Variants in LRRK2 observed in about 807,000 individuals in gnomAD.
LRRK2 encodes leucine rich repeat kinase 2.
A neutral mutation model predicts 302.6 loss-of-function variants in LRRK2; 203 were observed. That is an observed-to-expected ratio of 0.67 (90% CI 0.60 to 0.75). LRRK2 has a LOEUF of 0.75. Among genes scored for constraint, LRRK2 ranks in the 30% least tolerant of loss-of-function variants. The pLI is 0.00. For missense variants in LRRK2, 2,830 were observed against 2,951.0 expected (o/e 0.96, Z 0.95); for synonymous variants, 1,066 against 1,031.9 (o/e 1.03, Z -0.63).
At chr12:40,239,192 G>A (rs1941609956) in intron 5 of LRRK2, among the ~76,000 whole-genome samples, 1 of 152,168 alleles carries the variant, frequency 6.6e-6, no homozygotes, top group East Asian at 1.9e-4. Flanking sequence ...CATACATTTT[G>A]CAAGGAATAC....
intron 43 of LRRK2, among the ~76,000 whole-genome samples, chr12:40,351,009 C>G (rs1296558761): frequency 6.6e-6 from 1 of 152,090 alleles, no homozygotes; most frequent in African/African-American, 2.4e-5. Context: ...GAGTGGCGGG[C>G]AGGTGGCCAT....
chr12:40,342,956 C>A (rs757570391), intron 41 of LRRK2, among the ~76,000 whole-genome samples: 2 of 152,138 alleles, frequency 1.3e-5, no homozygotes, highest in Non-Finnish European at 2.9e-5. Context: ...GTATCTCAAT[C>A]CTTAGGACCC....
At chr12:40,226,969 G>A (rs548386696) in intron 2 of LRRK2, among the ~76,000 whole-genome samples, 2 of 152,134 alleles carry the variant, frequency 1.3e-5, no homozygotes, top group East Asian at 3.9e-4. Context: ...TAGGCGTTTT[G>A]GTCTGCAGGG....
At chr12:40,282,870 C>A (rs547431925) in intron 18 of LRRK2, among the ~76,000 whole-genome samples, 1 of 152,066 alleles carries the variant, frequency 6.6e-6, no homozygotes, top group Non-Finnish European at 1.5e-5. Context: ...TCTTTTCTTT[C>A]CTTTTTTGAT....
In LRRK2 at chr12:40,308,681, G is replaced by T; in HGVS notation, c.4174G>T (p.Val1392Leu). The T allele has an allele frequency of 6.2e-7, 1 of 1,613,768 alleles. No individual in the cohort carries two copies. Among genetic ancestry groups the T allele is most frequent in the Non-Finnish European group, 8.5e-7 (1 of 1,179,854 alleles). Residue 1392 changes from valine to leucine, a missense_variant, in exon 29 of 51, where the codon GTG becomes TTG. This residue lies in a region of LRRK2 where 2,121 missense variants were observed against 2,148.0 expected (regional missense o/e 0.99). Transcript: ENST00000298910. ...AAGAAAGAGAGATCTCGTCCTAAATGTGTGGGATTTTGCAGGTATTTCTTT... is the reference window on the plus strand; with the variant it reads ...AAGAAAGAGAGATCTCGTCCTAAATTTGTGGGATTTTGCAGGTATTTCTTT... Reference protein sequence around the residue: ...DKRKRDLVLNVWDFAGREEFY... With the variant: ...DKRKRDLVLNLWDFAGREEFY...
In LRRK2 at chr12:40,304,091, C is replaced by G. The variant is rs1233790021; in HGVS notation, c.3734C>G (p.Ser1245Cys). Residue 1245 changes from serine to cysteine, a missense_variant, in exon 27 of 51, where the codon TCT becomes TGT. Transcript: ENST00000298910. ...LDLSEKAYLW[S>C]RVEKLHLSHN... ...TTGAGTGAAAAAGCATATTTATGGT[C>G]TAGAGTAGAGAAACTGCATCTTTCT... 1 of 1,613,316 alleles carries G rather than the reference C, an allele frequency of 6.2e-7. No homozygotes were observed. Among genetic ancestry groups the G allele is most frequent in the African/African-American group, 1.3e-5 (1 of 74,856 alleles).
intron 16 of LRRK2, among the ~76,000 whole-genome samples, chr12:40,276,626 G>A (rs958409135): frequency 2.0e-5 from 3 of 152,166 alleles, no homozygotes; most frequent in South Asian, 4.1e-4. Context: ...TTTTTAATTC[G>A]AATGACGTAC....
At chr12:40,247,890 A>G (rs10878258) in intron 7 of LRRK2, among the ~76,000 whole-genome samples, 33,543 of 151,054 alleles carry the variant, frequency 0.22, 4,549 homozygotes, top group Middle Eastern at 0.36. Flanking sequence ...ACATTTACAG[A>G]TGAGGTCCTG....
At chr12:40,256,757 G>A (rs1942531424) in intron 11 of LRRK2, among the ~76,000 whole-genome samples, 1 of 152,170 alleles carries the variant, frequency 6.6e-6, no homozygotes, top group African/African-American at 2.4e-5. Context: ...CTCCCAAAAA[G>A]CTGAGTGAAT....
Position 40,244,665 on chromosome 12 carries a change from A to G in LRRK2, c.838+984A>G, listed in dbSNP as rs990879146. Among the ~76,000 whole-genome samples the G allele has an allele frequency of 4.2e-5, 6 of 141,834 alleles. No individual in the cohort carries two copies. In the East Asian group the frequency reaches 1.3e-3, roughly 30 times the overall value. 93.0% of individuals were successfully genotyped at this position (141,834 alleles called of 152,430 possible). A position where few individuals can be genotyped will look rare whatever the true frequency, so the allele number is the denominator to read the frequency against. ...ACCGATTCATAGATTCTGGATAATA[A>G]TGTTTTGGTGGTAGGTTATACGTAT... is the stretch of plus-strand genomic sequence containing the variant. On this transcript the variant is annotated intron_variant, in intron 7 of 50. Transcript: ENST00000298910.
At chr12:40,317,289 G>A (rs10878358) in intron 33 of LRRK2, among the ~76,000 whole-genome samples, 85,546 of 151,286 alleles carry the variant, frequency 0.57, 24,249 homozygotes, top group South Asian at 0.7. Flanking sequence ...AAAAAGAAGT[G>A]CCATCATTTT....
intron 6 of LRRK2, among the ~76,000 whole-genome samples, chr12:40,241,058 A>G (rs1207663387): frequency 6.6e-6 from 1 of 152,202 alleles, no homozygotes; most frequent in Non-Finnish European, 1.5e-5. Context: ...GGCAGTGGGC[A>G]TGGTTAATGT....
intron 11 of LRRK2, among the ~76,000 whole-genome samples, chr12:40,256,476 A>T (rs891458609): frequency 6.6e-6 from 1 of 152,114 alleles, no homozygotes; most frequent in African/African-American, 2.4e-5. Context: ...AAAGAGGAAA[A>T]TTATTCCTTA....
chr12:40,255,035 C>T (rs1204934241), intron 11 of LRRK2, among the ~76,000 whole-genome samples: 12 of 152,072 alleles, frequency 7.9e-5, no homozygotes, highest in South Asian at 4.2e-4. Context: ...CATGGAGGTC[C>T]CAAGGTTGCA....
intron 2 of LRRK2, among the ~76,000 whole-genome samples, chr12:40,229,324 A>C (rs1454842644): frequency 6.6e-6 from 1 of 152,162 alleles, no homozygotes; most frequent in Admixed American, 6.5e-5. Context: ...AGTAATTCTT[A>C]ATTACTATTT....
At chr12:40,308,398 A>T (rs1944910400) in intron 28 of LRRK2, 69 bp from the exon 29 acceptor site, 4 of 1,200,356 alleles carry the variant, frequency 3.3e-6, no homozygotes, top group Non-Finnish European at 4.8e-6. Flanking sequence ...GACATGTAAA[A>T]GAACTCACCT....
intron 3 of LRRK2, 123 bp from the exon 4 acceptor site, chr12:40,235,503 C>T (rs1941409042): frequency 2.9e-6 from 2 of 696,530 alleles, no homozygotes; most frequent in Non-Finnish European, 5.2e-6. Flanking sequence ...AACACATGAG[C>T]TTCACTACAG....
chr12:40,225,423 A>G, intron 1 of LRRK2, 132 bp from the exon 2 acceptor site: 3 of 1,268,076 alleles, frequency 2.4e-6, no homozygotes, highest in Non-Finnish European at 3.4e-6. Flanking sequence ...TCCTTTCCTT[A>G]GGGCAGAAAG....
At chr12:40,269,623 C>A (rs1943152912) in intron 14 of LRRK2, among the ~76,000 whole-genome samples, 1 of 152,104 alleles carries the variant, frequency 6.6e-6, no homozygotes, top group Non-Finnish European at 1.5e-5. Context: ...CCTGACAATA[C>A]AATACCTATC....
Sources: gnomAD v4.1 joint callset for allele counts (sites outside exome capture counted in the v4.1 genomes callset) on GRCh38, gnomAD v4.1.1 for gene constraint, gnomAD v4.1.1 regional missense constraint, MANE v1.5 for transcripts, NCBI Gene and HGNC (gene_info 2026-07-23, HGNC 2026-07-21) for gene names.